PARG: variants seen among roughly 807,000 people sequenced by gnomAD.
PARG encodes mitochondrial poly(ADP-ribose) glycohydrolase.
A neutral mutation model predicts 113.0 loss-of-function variants in PARG; 35 were observed. The ratio of observed to expected loss-of-function variants is 0.31; its 90% CI spans 0.24 to 0.41. The LOEUF (loss-of-function observed/expected upper bound fraction) is 0.41, where lower values mean the gene tolerates loss of function less well. Ranked by LOEUF, PARG falls within the 10% of genes least tolerant of loss-of-function variation. The probability of loss-of-function intolerance (pLI) is 1.00; values close to 1 mark genes in which losing one functional copy is unlikely to be tolerated. For synonymous variants in PARG, 330 were observed against 409.9 expected (o/e 0.81, Z 2.36); for missense variants, 797 against 1,169.4 (o/e 0.68, Z 4.64).
chr10:49,885,714 A>G (rs782265710), intron 7 of PARG, among the ~76,000 whole-genome samples: 1 of 152,328 alleles, frequency 6.6e-6, no homozygotes, highest in Admixed American at 6.5e-5. Flanking sequence ...ATGGTCTACA[A>G]TTGAAGAAAT....
At chr10:49,936,016 G>A (rs1330726221) in intron 1 of PARG, among the ~76,000 whole-genome samples, 3 of 152,144 alleles carry the variant, frequency 2.0e-5, no homozygotes, top group Admixed American at 1.3e-4. Context: ...GAAGCTACTA[G>A]TCCAGGTCAG....
chr10:49,926,674 C>T (rs1554850645), intron 4 of PARG, among the ~76,000 whole-genome samples: 2 of 152,212 alleles, frequency 1.3e-5, no homozygotes, highest in South Asian at 2.1e-4. Flanking sequence ...CAAAGCCTTG[C>T]TTCCTTAACC....
intron 12 of PARG, among the ~76,000 whole-genome samples, chr10:49,859,581 C>T (rs1269617718): frequency 6.6e-6 from 1 of 152,180 alleles, no homozygotes; most frequent in Non-Finnish European, 1.5e-5. Flanking sequence ...AAATGAGAAA[C>T]AGACGAGGTT....
intron 16 of PARG, among the ~76,000 whole-genome samples, chr10:49,827,545 C>T (rs567289330): frequency 3.3e-5 from 5 of 152,098 alleles, no homozygotes; most frequent in South Asian, 2.1e-4. Context: ...AAACTAAATA[C>T]CACAGCTTCA....
rs1294082607 is a variant in PARG at position 49,841,911 on chromosome 10, T to C, written c.2541+39A>G. ...CATTAATAAAATGGCAGTAAATAGA[T>C]GACAGCTGCCAGATGAACTAAGAAA... On this transcript the variant is annotated intron_variant, in intron 15 of 17. Coordinates refer to ENST00000616448, the MANE Select transcript of PARG (RefSeq NM_003631.5). The C allele has an allele frequency of 3.9e-6, 5 of 1,292,704 alleles. No homozygotes were observed. The East Asian group carries it at 1.0e-4, about 26-fold the overall frequency. The allele number at this position is 1,292,704 out of a possible 1,614,324, so 80.1% of individuals were successfully genotyped here.
chr10:49,874,227 TTAA>T (rs1846836099), intron 9 of PARG, among the ~76,000 whole-genome samples: 4 of 151,328 alleles, frequency 2.6e-5, no homozygotes, highest in Non-Finnish European at 5.9e-5. Context: ...ATTCATATGG[TTAA>T]TGTGACAAGT....
intron 15 of PARG, 73 bp from the exon 16 acceptor site, chr10:49,832,981 A>C (rs1188493349): frequency 2.9e-6 from 2 of 689,418 alleles, no homozygotes; most frequent in African/African-American, 3.7e-5. Flanking sequence ...ATGTACTAGG[A>C]TCAGTGTCCA....
intron 7 of PARG, among the ~76,000 whole-genome samples, chr10:49,910,859 A>G (rs542669393): frequency 1.3e-5 from 2 of 152,364 alleles, no homozygotes; most frequent in Admixed American, 6.5e-5. Context: ...ATAGAAGCCA[A>G]CATTGCAGAA....
intron 7 of PARG, among the ~76,000 whole-genome samples, chr10:49,888,468 C>T (rs61484918): frequency 3.3e-5 from 5 of 152,118 alleles, no homozygotes. Flanking sequence ...GTTTCCTCTT[C>T]CTTTCTGAAG....
intron 7 of PARG, among the ~76,000 whole-genome samples, chr10:49,894,258 C>G (rs1359203179): frequency 6.7e-6 from 1 of 148,422 alleles, no homozygotes; most frequent in Non-Finnish European, 1.5e-5. Context: ...CCCAGGTTGG[C>G]CTTGAACTCT....
At chr10:49,899,578 T>C (rs376234248) in intron 7 of PARG, among the ~76,000 whole-genome samples, 381 of 151,678 alleles carry the variant, frequency 2.5e-3, no homozygotes, top group East Asian at 0.011. Flanking sequence ...AATAGCCAGG[T>C]TAACATGGTC....
intron 16 of PARG, among the ~76,000 whole-genome samples, chr10:49,832,194 G>A (rs1158663451): frequency 6.6e-6 from 1 of 152,214 alleles, no homozygotes; most frequent in Non-Finnish European, 1.5e-5. Context: ...TAACACGTAA[G>A]AAATGTTTCT....
intron 4 of PARG, among the ~76,000 whole-genome samples, chr10:49,924,992 T>C (rs1838080987): frequency 6.6e-6 from 1 of 152,164 alleles, no homozygotes; most frequent in South Asian, 2.1e-4. Context: ...GTCAGGTCAG[T>C]GGCAACATCA....
In PARG at chr10:49,933,550, G is replaced by T; in HGVS notation, c.898C>A (p.Pro300Thr). Residue 300 changes from proline to threonine, a missense_variant, in exon 3 of 18, where the codon CCC becomes ACC. By Grantham distance (38) the Pro-to-Thr change is conservative. Around this residue, in one of 5 missense-constraint regions of PARG, gnomAD observed 284 missense variants for 306.1 expected, o/e 0.93. Coordinates refer to ENST00000616448, the MANE Select transcript of PARG (RefSeq NM_003631.5). ...NSPPFEKESE[P>T]ESPMDVDNSK... ...TTATCCACATCCATCGGTGACTCGG[G>T]TTCACTTTCCTTCTCAAATGGAGGA... The T allele has an allele frequency of 6.2e-7, 1 of 1,611,630 alleles. No homozygotes were observed. The highest frequency in any genetic ancestry group is 8.5e-7 in the Non-Finnish European group (1 of 1,177,948).
At chr10:49,877,645 T>C (rs1406701448) in intron 9 of PARG, among the ~76,000 whole-genome samples, 1 of 117,146 alleles carries the variant, frequency 8.5e-6, no homozygotes, top group Admixed American at 9.5e-5. Flanking sequence ...GGAGTCAACC[T>C]AAAGGAGCCC....
chr10:49,844,937 G>C (rs1042599558), intron 13 of PARG, among the ~76,000 whole-genome samples: 3 of 152,154 alleles, frequency 2.0e-5, no homozygotes, highest in Admixed American at 1.3e-4. Context: ...AAAATGGACA[G>C]AAGACCTGAA....
chr10:49,819,539 T>A, intron 17 of PARG, 45 bp from the exon 18 acceptor site: 1 of 1,457,610 alleles, frequency 6.9e-7, no homozygotes, highest in South Asian at 1.2e-5. Flanking sequence ...AAGTATGTAA[T>A]TGAAAAAACC....
At chr10:49,883,815 A>C (rs1377345725) in intron 8 of PARG, among the ~76,000 whole-genome samples, 3 of 143,834 alleles carry the variant, frequency 2.1e-5, no homozygotes, top group Non-Finnish European at 4.7e-5. Context: ...AAGAAAAAAA[A>C]AAAAAAAAAC....
intron 2 of PARG, among the ~76,000 whole-genome samples, chr10:49,934,599 C>A (rs1246269293): frequency 1.3e-5 from 2 of 152,234 alleles, no homozygotes; most frequent in Admixed American, 6.5e-5. Context: ...CCTGTAATCC[C>A]AGCACTTTGG....
Sources: allele counts gnomAD v4.1 joint callset (sites outside exome capture counted in the v4.1 genomes callset), GRCh38; gene constraint gnomAD v4.1.1; regional missense constraint gnomAD v4.1.1; transcripts MANE v1.5; gene names NCBI Gene and HGNC (gene_info 2026-07-23, HGNC 2026-07-21).